RBP7: variants seen among roughly 807,000 people sequenced by gnomAD.
The protein encoded by RBP7 is retinoid-binding protein 7.
Under a neutral mutation model 16.7 loss-of-function variants are expected in RBP7, and 13 were observed. The ratio of observed to expected loss-of-function variants is 0.78; its 90% CI spans 0.51 to 1.24. The LOEUF (loss-of-function observed/expected upper bound fraction) is 1.24. Among genes scored for constraint, RBP7 ranks in the 50% most tolerant of loss-of-function variants. The pLI is 0.00. For missense variants in RBP7, 145 were observed against 159.5 expected (o/e 0.91, Z 0.49); for synonymous variants, 54 against 56.2 (o/e 0.96, Z 0.17).
At chr1:10,001,597 A>T (rs1382170647) in intron 1 of RBP7, among the ~76,000 whole-genome samples, 2 of 151,920 alleles carry the variant, frequency 1.3e-5, no homozygotes, top group African/African-American at 2.4e-5. Flanking sequence ...CTAACCTGGG[A>T]TTTGGGAGTT....
intron 3 of RBP7, among the ~76,000 whole-genome samples, chr1:10,015,350 G>T (rs907732576): frequency 2.0e-5 from 3 of 150,814 alleles, no homozygotes; most frequent in African/African-American, 7.3e-5. Flanking sequence ...CGAGGCAGAA[G>T]AATTGCTTGA....
chr1:10,006,876 T>G (rs369909729), intron 1 of RBP7: 1 of 385,126 alleles, frequency 2.6e-6, no homozygotes, highest in African/African-American at 2.2e-5. Flanking sequence ...TGTAAATACA[T>G]AAGGCAGAAA....
rs1338803381 is a variant in RBP7 at position 10,008,337 on chromosome 1, G to A, written c.354+63G>A. Reference sequence around the variant, plus strand: ...TATTAAAGGAAACATCAGGCCAAGCGTGGTGGCTCACACCTGTAATCCCAG... The same window carrying A: ...TATTAAAGGAAACATCAGGCCAAGCATGGTGGCTCACACCTGTAATCCCAG... On this transcript the variant is annotated intron_variant, in intron 3 of 3. Coordinates refer to ENST00000294435, the MANE Select transcript of RBP7 (RefSeq NM_052960.3). 9.9e-6 allele frequency: 11 copies of A among 1,111,652 alleles called. 1 individual carries two copies. The highest frequency in any genetic ancestry group is 7.7e-5 in the African/African-American group (5 of 64,666). 68.9% of individuals were successfully genotyped at this position (1,111,652 alleles called of 1,614,324 possible). A position where few individuals can be genotyped will look rare whatever the true frequency, so the allele number is the denominator to read the frequency against.
At chr1:10,003,589 G>A (rs1642338843) in intron 1 of RBP7, among the ~76,000 whole-genome samples, 2 of 152,202 alleles carry the variant, frequency 1.3e-5, no homozygotes, top group African/African-American at 4.8e-5. Context: ...CTGTGACACT[G>A]CTTCTTCAAT....
chr1:10,001,792 T>G (rs1463164649), intron 1 of RBP7, among the ~76,000 whole-genome samples: 1 of 145,362 alleles, frequency 6.9e-6, no homozygotes, highest in Non-Finnish European at 1.5e-5. Context: ...CTGGGATATA[T>G]TTATTTAATT....
chr1:10,001,603 G>A (rs1235403358), intron 1 of RBP7, among the ~76,000 whole-genome samples: 2 of 152,014 alleles, frequency 1.3e-5, no homozygotes, highest in African/African-American at 2.4e-5. Flanking sequence ...TGGGATTTGG[G>A]AGTTCCTGGT....
intron 3 of RBP7, among the ~76,000 whole-genome samples, chr1:10,012,612 G>A (rs1353554684): frequency 6.8e-6 from 1 of 146,146 alleles, no homozygotes; most frequent in Non-Finnish European, 1.5e-5. Flanking sequence ...GGGAACGTAG[G>A]ACTAGCCTGT....
chr1:10,014,365 TTTTCTTTTCTTTTC>T (rs1209180716), intron 3 of RBP7, among the ~76,000 whole-genome samples: 2 of 151,872 alleles, frequency 1.3e-5, no homozygotes, highest in Non-Finnish European at 2.9e-5. Flanking sequence ...AGGCTGTTTC[TTTTCTTTTCTTTTC>T]TTTCTTTTTT....
intron 3 of RBP7, among the ~76,000 whole-genome samples, chr1:10,015,519 G>T (rs1443241959): frequency 6.6e-6 from 1 of 151,256 alleles, no homozygotes; most frequent in Non-Finnish European, 1.5e-5. Context: ...AAAATTAGCC[G>T]GGCATGATGG....
At chr1:10,013,785 G>A (rs892229396) in intron 3 of RBP7, among the ~76,000 whole-genome samples, 5 of 151,876 alleles carry the variant, frequency 3.3e-5, no homozygotes, top group African/African-American at 9.7e-5. Flanking sequence ...ACTCCAGCCC[G>A]GGCAACAAGA....
intron 3 of RBP7, among the ~76,000 whole-genome samples, chr1:10,014,016 AAAG>A: frequency 6.6e-6 from 1 of 152,098 alleles, no homozygotes; most frequent in Non-Finnish European, 1.5e-5. Context: ...AAATAAAAAA[AAAG>A]ATCTTTTGTG....
intron 3 of RBP7, among the ~76,000 whole-genome samples, chr1:10,008,882 C>T (rs1003113949): frequency 1.3e-5 from 2 of 152,064 alleles, no homozygotes; most frequent in African/African-American, 4.8e-5. Flanking sequence ...ACAATTCTTA[C>T]CTATTATATG....
At chr1:10,006,830 G>T (rs1319743001) in intron 1 of RBP7, 3 of 323,730 alleles carry the variant, frequency 9.3e-6, no homozygotes, top group South Asian at 2.3e-5. Flanking sequence ...TTTCATTCTT[G>T]TTGAGAAACT....
Position 10,007,634 on chromosome 1 carries a change from T to C in RBP7, c.138T>C (p.Asn46=). 1.2e-6 allele frequency: 2 copies of C among 1,614,050 alleles called. No homozygotes were observed. Among genetic ancestry groups the C allele is most frequent in the African/African-American group, 1.3e-5 (1 of 74,994 alleles). The change falls in exon 2 of 4, where the codon AAT becomes AAC. Residue 46 remains asparagine, a synonymous_variant. Coordinates refer to ENST00000294435, the MANE Select transcript of RBP7 (RefSeq NM_052960.3). ...LLKPQKVIEQ[N]GDSFTIHTNS... The stretch of plus-strand genomic sequence containing the variant: ...AGCCACAGAAAGTGATTGAGCAGAA[T>C]GGGGATTCTTTTACCATCCACACGA...
chr1:10,013,348 C>T (rs1642680487), intron 3 of RBP7, among the ~76,000 whole-genome samples: 2 of 151,918 alleles, frequency 1.3e-5, no homozygotes, highest in South Asian at 4.2e-4. Context: ...GCTGGGATTA[C>T]AGGCATGAGC....
chr1:10,006,648 G>A (rs942666058), intron 1 of RBP7, among the ~76,000 whole-genome samples: 13 of 150,804 alleles, frequency 8.6e-5, no homozygotes, highest in Non-Finnish European at 1.3e-4. Flanking sequence ...AGCTGAAATC[G>A]TGCCACTGCT....
chr1:10,013,765 G>A (rs1194012763), intron 3 of RBP7, among the ~76,000 whole-genome samples: 2 of 151,902 alleles, frequency 1.3e-5, no homozygotes, highest in Non-Finnish European at 2.9e-5. Context: ...AGCCGAGATC[G>A]CGCCATTGCA....
At chr1:9,998,857 C>CA (rs1642220522) in intron 1 of RBP7, among the ~76,000 whole-genome samples, 1 of 152,052 alleles carries the variant, frequency 6.6e-6, no homozygotes, top group Admixed American at 6.6e-5. Flanking sequence ...AGAGGAAGAG[C>CA]AGAGAATTCT....
chr1:10,002,305 C>T (rs72859567), intron 1 of RBP7, among the ~76,000 whole-genome samples: 149 of 152,010 alleles, frequency 9.8e-4, no homozygotes, highest in African/African-American at 3.5e-3. Flanking sequence ...TGTAATAGCA[C>T]GTGCATCAGG....
Sources: allele counts gnomAD v4.1 joint callset (sites outside exome capture counted in the v4.1 genomes callset), GRCh38; gene constraint gnomAD v4.1.1; transcripts MANE v1.5; gene names NCBI Gene and HGNC (gene_info 2026-07-23, HGNC 2026-07-21).